SLC16A7: variants seen among roughly 807,000 people sequenced by gnomAD.
The protein encoded by SLC16A7 is solute carrier family 16 member 7.
SLC16A7 carries 33 observed loss-of-function variants against 34.9 expected under a neutral mutation model. The observed-to-expected ratio is 0.94, with a 90% CI of 0.72 to 1.26. The LOEUF (loss-of-function observed/expected upper bound fraction) is 1.26. Ranked by LOEUF, SLC16A7 falls within the 50% of genes most tolerant of loss-of-function variation. The probability of loss-of-function intolerance (pLI) is 0.00; values close to 1 mark genes in which losing one functional copy is unlikely to be tolerated. For missense variants in SLC16A7, 573 were observed against 578.1 expected, an observed-to-expected ratio of 0.99 and a Z score of 0.09; for synonymous variants, 201 against 206.6, an observed-to-expected ratio of 0.97 and a Z score of 0.23.
intron 3 of SLC16A7, among the ~76,000 whole-genome samples, chr12:59,717,464 G>A (rs999266651): frequency 3.9e-5 from 6 of 152,192 alleles, no homozygotes; most frequent in African/African-American, 1.4e-4. Flanking sequence ...TGAACTGTAA[G>A]TCCTTCTCAT....
chr12:59,732,863 C>T (rs1297524372), intron 3 of SLC16A7, among the ~76,000 whole-genome samples: 7 of 152,166 alleles, frequency 4.6e-5, no homozygotes, highest in Admixed American at 1.3e-4. Flanking sequence ...TTATATGAAG[C>T]GCTGACTGCT....
chr12:59,639,195 C>T (rs1259435149), intron 1 of SLC16A7, among the ~76,000 whole-genome samples: 3 of 152,024 alleles, frequency 2.0e-5, no homozygotes, highest in African/African-American at 7.2e-5. Flanking sequence ...GACAAAACAG[C>T]GCATTGTTTG....
At chr12:59,720,224 A>G in intron 3 of SLC16A7, 3 of 545,386 alleles carry the variant, frequency 5.5e-6, no homozygotes, top group Non-Finnish European at 6.4e-6. Context: ...TTACTTATGT[A>G]TTTATAGTTG....
At chr12:59,679,993 A>G (rs1049347601) in intron 2 of SLC16A7, among the ~76,000 whole-genome samples, 10 of 152,204 alleles carry the variant, frequency 6.6e-5, no homozygotes, top group African/African-American at 2.4e-4. Flanking sequence ...GAACTTATTC[A>G]TGTTAATCAT....
intron 3 of SLC16A7, among the ~76,000 whole-genome samples, chr12:59,719,179 G>A (rs2137195231): frequency 6.6e-6 from 1 of 152,252 alleles, no homozygotes; most frequent in Non-Finnish European, 1.5e-5. Flanking sequence ...ATTAAAAACA[G>A]AGAAGCTAAA....
chr12:59,636,231 C>A (rs1880420639), intron 1 of SLC16A7, among the ~76,000 whole-genome samples: 1 of 151,926 alleles, frequency 6.6e-6, no homozygotes, highest in Non-Finnish European at 1.5e-5. Context: ...TTCTGTTTCC[C>A]TCAGATGAAC....
intron 2 of SLC16A7, among the ~76,000 whole-genome samples, chr12:59,679,832 A>C (rs1870607070): frequency 6.6e-6 from 1 of 152,206 alleles, no homozygotes; most frequent in Admixed American, 6.5e-5. Context: ...TAAGGGCAAA[A>C]TTAGAATTAA....
At chr12:59,678,540 C>T (rs1870492007) in intron 2 of SLC16A7, among the ~76,000 whole-genome samples, 2 of 152,158 alleles carry the variant, frequency 1.3e-5, no homozygotes, top group Admixed American at 6.5e-5. Context: ...GAGTGAGTAA[C>T]TCTTCTACGC....
At chr12:59,605,896 C>T (rs1878915698) in intron 1 of SLC16A7, among the ~76,000 whole-genome samples, 1 of 152,182 alleles carries the variant, frequency 6.6e-6, no homozygotes, top group African/African-American at 2.4e-5. Flanking sequence ...TGTTTGACCA[C>T]AGTCAAGGTA....
intron 5 of SLC16A7, among the ~76,000 whole-genome samples, chr12:59,776,208 A>G (rs1385632833): frequency 6.6e-6 from 1 of 152,202 alleles, no homozygotes; most frequent in Non-Finnish European, 1.5e-5. Flanking sequence ...AGCTGGTCTA[A>G]TACTTGAGAG....
At chr12:59,776,037 C>T (rs1882727510) in intron 5 of SLC16A7, among the ~76,000 whole-genome samples, 1 of 151,950 alleles carries the variant, frequency 6.6e-6, no homozygotes, top group Non-Finnish European at 1.5e-5. Context: ...TTTTTGAGGG[C>T]CACTCATGTT....
chr12:59,757,231 A>C (rs1247849464), intron 3 of SLC16A7, among the ~76,000 whole-genome samples: 1 of 151,564 alleles, frequency 6.6e-6, no homozygotes, highest in Non-Finnish European at 1.5e-5. Context: ...CATTGTGCAC[A>C]TGTACCCCAA....
intron 3 of SLC16A7, among the ~76,000 whole-genome samples, chr12:59,766,361 C>A (rs1881630055): frequency 6.6e-6 from 1 of 152,094 alleles, no homozygotes; most frequent in Admixed American, 6.6e-5. Context: ...GAACTTCCAA[C>A]ACTATGTTGA....
intron 3 of SLC16A7, among the ~76,000 whole-genome samples, chr12:59,721,553 A>G (rs921202499): frequency 2.6e-5 from 4 of 151,996 alleles, no homozygotes; most frequent in Admixed American, 2.6e-4. Flanking sequence ...GGAAAATGTT[A>G]TTTAGACCAA....
chr12:59,661,515 A>G (rs1868849649), intron 2 of SLC16A7, among the ~76,000 whole-genome samples: 1 of 152,112 alleles, frequency 6.6e-6, no homozygotes, highest in African/African-American at 2.4e-5. Context: ...AGCTAGAAGG[A>G]TATTTTTAAA....
intron 1 of SLC16A7, chr12:59,597,082 C>T (rs1274503076): frequency 1.3e-5 from 2 of 152,418 alleles, no homozygotes; most frequent in East Asian, 3.9e-4. Context: ...TCGCGGCGCC[C>T]TTCTCCACCC....
At chr12:59,745,449 A>G (rs922514126) in intron 3 of SLC16A7, among the ~76,000 whole-genome samples, 1 of 152,228 alleles carries the variant, frequency 6.6e-6, no homozygotes, top group African/African-American at 2.4e-5. Context: ...ATGAATTGAT[A>G]CAAAAGTAGT....
intron 1 of SLC16A7, among the ~76,000 whole-genome samples, chr12:59,640,467 A>G (rs186852297): frequency 6.6e-6 from 1 of 152,060 alleles, no homozygotes; most frequent in Non-Finnish European, 1.5e-5. Context: ...CACTTTTCCA[A>G]GCATTAGGAT....
Position 59,614,813 on chromosome 12 carries a change from C to A in SLC16A7, c.-130+18577C>A, listed in dbSNP as rs1272116260. On this transcript the variant is annotated intron_variant, in intron 1 of 5. Transcript: ENST00000547379. Reference sequence around the variant, plus strand: ...ACCATCCTGGCTAACATGGTCAAACCCCATTCCTACTAAAAAAAAAAAAAA... The same window carrying A: ...ACCATCCTGGCTAACATGGTCAAACACCATTCCTACTAAAAAAAAAAAAAA... 5.1e-5 allele frequency among the ~76,000 whole-genome samples: 7 copies of A among 136,410 alleles called. No homozygotes were observed. In the East Asian group the frequency reaches 6.6e-4, roughly 13 times the overall value. 89.5% of individuals were successfully genotyped at this position (136,410 alleles called of 152,430 possible).
Sources: gnomAD v4.1 joint callset for allele counts (sites outside exome capture counted in the v4.1 genomes callset) on GRCh38, gnomAD v4.1.1 for gene constraint, MANE v1.5 for transcripts, NCBI Gene and HGNC (gene_info 2026-07-23, HGNC 2026-07-21) for gene names.